PHACTR1: variants seen among roughly 807,000 people sequenced by gnomAD.
The protein encoded by PHACTR1 is phosphatase and actin regulator 1, also known as RPEL repeat containing 1.
PHACTR1 carries 16 observed loss-of-function variants against 69.2 expected under a neutral mutation model. The observed-to-expected ratio is 0.23, with a 90% CI of 0.16 to 0.35. The LOEUF (loss-of-function observed/expected upper bound fraction) is 0.35. Among genes scored for constraint, PHACTR1 ranks in the 10% least tolerant of loss-of-function variants. PHACTR1 has a pLI of 1.00. For synonymous variants in PHACTR1, 312 were observed against 284.5 expected, an observed-to-expected ratio of 1.10 and a Z score of -0.97; for missense variants, 510 against 734.7, an observed-to-expected ratio of 0.69 and a Z score of 3.54.
rs563908915 is a variant in PHACTR1, at chr6:13,246,394, G to A, written c.1391+16201G>A. ...GAACACTGAAATTAAATGTGCGAGCGAAAGATGTTTCCCTACCTGGATGGC... is the reference window on the plus strand; with the variant it reads ...GAACACTGAAATTAAATGTGCGAGCAAAAGATGTTTCCCTACCTGGATGGC... On this transcript the variant is annotated intron_variant, in intron 10 of 14. Transcript: ENST00000332995. The surrounding 1 kb of genome is among the most constrained non-coding windows in gnomAD (Gnocchi z 4.2). Among the ~76,000 whole-genome samples, 9 of 151,084 alleles carry A rather than the reference G, an allele frequency of 6.0e-5. No homozygotes were observed. Among genetic ancestry groups the A allele is most frequent in the East Asian group, 1.9e-4 (1 of 5,188 alleles).
intron 4 of PHACTR1, among the ~76,000 whole-genome samples, chr6:12,973,140 A>C (rs894636305): frequency 6.6e-6 from 1 of 152,084 alleles, no homozygotes; most frequent in African/African-American, 2.4e-5. Flanking sequence ...TACCATATTC[A>C]CAGGGTCAGG....
At chr6:12,898,914 C>G (rs1294702587) in intron 4 of PHACTR1, among the ~76,000 whole-genome samples, 1 of 152,210 alleles carries the variant, frequency 6.6e-6, no homozygotes, top group African/African-American at 2.4e-5. Context: ...ACTTGCCTCG[C>G]TGTATCTCAC....
chr6:12,947,472 C>T (rs1790815602), intron 4 of PHACTR1, among the ~76,000 whole-genome samples: 1 of 151,652 alleles, frequency 6.6e-6, no homozygotes, highest in Non-Finnish European at 1.5e-5. Flanking sequence ...TCTGAAAAAA[C>T]AACATTCTTA....
chr6:13,260,569 CTT>C (rs1488794212), intron 10 of PHACTR1, among the ~76,000 whole-genome samples: 1 of 152,128 alleles, frequency 6.6e-6, no homozygotes, highest in Non-Finnish European at 1.5e-5. Context: ...AAAGTATTCT[CTT>C]TGTTCCATCG....
intron 4 of PHACTR1, among the ~76,000 whole-genome samples, chr6:12,975,486 T>C (rs144395913): frequency 1.3e-5 from 2 of 152,376 alleles, no homozygotes; most frequent in African/African-American, 2.4e-5. Flanking sequence ...TAAAATGTTA[T>C]AGCGCTGAGA....
At chr6:13,102,549 T>C (rs1815341844) in intron 5 of PHACTR1, among the ~76,000 whole-genome samples, 1 of 152,200 alleles carries the variant, frequency 6.6e-6, no homozygotes, top group African/African-American at 2.4e-5. Flanking sequence ...CCACTATGAA[T>C]TGTGCATATT....
chr6:12,930,391 A>T (rs759649261), intron 4 of PHACTR1, among the ~76,000 whole-genome samples: 15 of 152,176 alleles, frequency 9.9e-5, no homozygotes, highest in Non-Finnish European at 1.8e-4. Flanking sequence ...GGATACATGG[A>T]AAGAAAGAGA....
intron 4 of PHACTR1, among the ~76,000 whole-genome samples, chr6:12,884,409 T>A (rs1783424764): frequency 6.6e-6 from 1 of 152,074 alleles, no homozygotes; most frequent in African/African-American, 2.4e-5. Context: ...TGAATTTTTT[T>A]TTTTTTTTTT....
chr6:13,113,858 G>A (rs1817412690), intron 5 of PHACTR1, among the ~76,000 whole-genome samples: 1 of 152,180 alleles, frequency 6.6e-6, no homozygotes, highest in Non-Finnish European at 1.5e-5. Context: ...TAAGACTAAA[G>A]TTGTAAGGCT....
Position 13,000,377 on chromosome 6 carries a change from G to A in PHACTR1, c.251-52988G>A, listed in dbSNP as rs193161326. ...AGCCTGGGCAACATCGTGAGACCCC[G>A]TCTCTATAAAAAATTTAAAACTTAG... is the stretch of plus-strand genomic sequence containing the variant. On this transcript the variant is annotated intron_variant, in intron 4 of 14. Transcript: ENST00000332995. 4.0e-3 allele frequency among the ~76,000 whole-genome samples: 611 copies of A among 152,094 alleles called. 5 individuals are homozygous for A. Among genetic ancestry groups the A allele is most frequent in the African/African-American group, 0.014 (568 of 41,482 alleles).
chr6:12,891,120 T>A (rs1024044248), intron 4 of PHACTR1, among the ~76,000 whole-genome samples: 3 of 152,136 alleles, frequency 2.0e-5, no homozygotes, highest in Non-Finnish European at 4.4e-5. Context: ...GAAAGTTAAA[T>A]TTTTTTTCTC....
intron 7 of PHACTR1, among the ~76,000 whole-genome samples, chr6:13,187,221 G>A (rs1018224295): frequency 6.6e-6 from 1 of 152,164 alleles, no homozygotes; most frequent in African/African-American, 2.4e-5. Context: ...TGGCCCTGGT[G>A]GTTGGGGACC....
At chr6:13,155,455 T>TG (rs1421407571) in intron 5 of PHACTR1, among the ~76,000 whole-genome samples, 2 of 152,108 alleles carry the variant, frequency 1.3e-5, no homozygotes, top group East Asian at 1.9e-4. Context: ...TCCTCAGACA[T>TG]GGGGGGTAAG....
At chr6:12,922,895 C>T (rs1048166691) in intron 4 of PHACTR1, among the ~76,000 whole-genome samples, 2 of 152,180 alleles carry the variant, frequency 1.3e-5, no homozygotes, top group African/African-American at 4.8e-5. Context: ...ATAGCACCTC[C>T]TCCCACAACC....
At chr6:12,985,032 A>C (rs1216701966) in intron 4 of PHACTR1, among the ~76,000 whole-genome samples, 1 of 152,260 alleles carries the variant, frequency 6.6e-6, no homozygotes, top group Non-Finnish European at 1.5e-5. Context: ...AGTTAAAATC[A>C]TCTAAACCAC....
At chr6:12,749,241 G>A (rs1189959116) in intron 3 of PHACTR1, among the ~76,000 whole-genome samples, 1 of 152,232 alleles carries the variant, frequency 6.6e-6, no homozygotes, top group African/African-American at 2.4e-5. Flanking sequence ...CTCTGCGTTG[G>A]AGTCGTCCCT....
chr6:12,757,609 C>T (rs1767485692), intron 4 of PHACTR1, among the ~76,000 whole-genome samples: 1 of 152,058 alleles, frequency 6.6e-6, no homozygotes, highest in Non-Finnish European at 1.5e-5. Flanking sequence ...GGTAAAGGTC[C>T]TTGTGTATTT....
chr6:12,800,343 A>G (rs1773549947), intron 4 of PHACTR1, among the ~76,000 whole-genome samples: 1 of 152,240 alleles, frequency 6.6e-6, no homozygotes, highest in Non-Finnish European at 1.5e-5. Flanking sequence ...GCTACAACCC[A>G]AGAAGATGAA....
intron 6 of PHACTR1, among the ~76,000 whole-genome samples, chr6:13,178,756 A>G (rs1026038207): frequency 2.0e-5 from 3 of 152,238 alleles, no homozygotes; most frequent in African/African-American, 7.2e-5. Flanking sequence ...AGTTCATGTA[A>G]AACATCAGCA....
Sources: gnomAD v4.1 joint callset for allele counts (sites outside exome capture counted in the v4.1 genomes callset) on GRCh38, gnomAD v4.1.1 for gene constraint, Gnocchi (gnomAD v3.1) non-coding constraint, MANE v1.5 for transcripts, NCBI Gene and HGNC (gene_info 2026-07-23, HGNC 2026-07-21) for gene names.